Variants in DLGAP2 observed in about 807,000 individuals in gnomAD.
DLGAP2 encodes the protein disks large-associated protein 2.
Under a neutral mutation model 100.3 loss-of-function variants are expected in DLGAP2, and 26 were observed. That is an observed-to-expected ratio of 0.26 (90% CI 0.19 to 0.36). DLGAP2 has a LOEUF of 0.36. DLGAP2 is among the 10% of genes least tolerant of loss of function. DLGAP2 has a pLI of 1.00. For synonymous variants in DLGAP2, 886 were observed against 630.1 expected (o/e 1.41, Z -6.08); for missense variants, 1,858 against 1,453.2 (o/e 1.28, Z -4.53).
At chr8:1,200,164 C>A (rs939744444) in intron 2 of DLGAP2, among the ~76,000 whole-genome samples, 9 of 152,144 alleles carry the variant, frequency 5.9e-5, no homozygotes, top group African/African-American at 1.9e-4. Flanking sequence ...GCTGGGTTTC[C>A]CTGGCCCCCG....
At chr8:947,517 G>A (rs764694985) in intron 2 of DLGAP2, among the ~76,000 whole-genome samples, 13 of 152,352 alleles carry the variant, frequency 8.5e-5, no homozygotes, top group South Asian at 2.1e-4. Context: ...GGCCCGTGGA[G>A]CCTGTGGTGG....
chr8:935,060 C>T (rs904680406), intron 2 of DLGAP2, among the ~76,000 whole-genome samples: 1 of 152,240 alleles, frequency 6.6e-6, no homozygotes. Flanking sequence ...CCCAGCAGAA[C>T]CGTGTACCGC....
At chr8:1,635,383 C>T (rs1486374350) in intron 8 of DLGAP2, among the ~76,000 whole-genome samples, 2 of 152,140 alleles carry the variant, frequency 1.3e-5, no homozygotes, top group African/African-American at 2.4e-5. Context: ...GTGAGTCAGG[C>T]GGATTTCAAA....
chr8:753,318 T>A (rs1820840026), intron 1 of DLGAP2: 1 of 152,280 alleles, frequency 6.6e-6, no homozygotes, highest in South Asian at 2.1e-4. Flanking sequence ...GGCCGTCCCC[T>A]GCTCTTTCTT....
At chr8:870,009 A>G (rs1269045255) in intron 1 of DLGAP2, among the ~76,000 whole-genome samples, 1 of 130,990 alleles carries the variant, frequency 7.6e-6, no homozygotes, top group Non-Finnish European at 1.6e-5. Context: ...CCTAATTTAC[A>G]AAAAAAAAAA....
intron 2 of DLGAP2, among the ~76,000 whole-genome samples, chr8:1,133,843 G>A (rs955038100): frequency 6.6e-6 from 1 of 151,932 alleles, no homozygotes; most frequent in African/African-American, 2.4e-5. Context: ...ATTGGGAATT[G>A]ATTAACCCTT....
rs1010537425 is a variant in DLGAP2, at chr8:1,708,046, G to A, written c.*6640G>A. The A allele has an allele frequency of 1.3e-5, 2 of 152,514 alleles. No individual in the cohort carries two copies. Among genetic ancestry groups the A allele is most frequent in the African/African-American group, 4.8e-5 (2 of 41,426 alleles). The allele number at this position is 152,514 out of a possible 1,614,324, so 9.4% of individuals were successfully genotyped here. On this transcript the variant is annotated 3_prime_UTR_variant, in exon 15 of 15. Coordinates refer to ENST00000637795, the MANE Select transcript of DLGAP2 (RefSeq NM_001346810.2). ...GAATGTTGGTCATTCCTTTAAGGCA[G>A]TTAAGGATTGCTTTATTTGTGTTCT...
intron 2 of DLGAP2, among the ~76,000 whole-genome samples, chr8:1,135,834 A>G (rs984855653): frequency 3.3e-5 from 5 of 152,208 alleles, no homozygotes; most frequent in African/African-American, 9.6e-5. Context: ...ACAAAACAAT[A>G]GATCTCTGCT....
intron 2 of DLGAP2, among the ~76,000 whole-genome samples, chr8:1,224,639 G>C (rs11778666): frequency 0.59 from 89,601 of 152,060 alleles, 27,911 homozygotes; most frequent in East Asian, 0.79. Context: ...AGAGATGACT[G>C]AAATTACTAA....
chr8:1,033,786 C>A (rs868728087), intron 2 of DLGAP2, among the ~76,000 whole-genome samples: 1 of 115,828 alleles, frequency 8.6e-6, no homozygotes, highest in African/African-American at 3.3e-5. Flanking sequence ...TGGGTTCACA[C>A]GCTCATCCCG....
chr8:1,416,210 A>C (rs1340890808), intron 3 of DLGAP2, among the ~76,000 whole-genome samples: 11 of 152,182 alleles, frequency 7.2e-5, no homozygotes, highest in African/African-American at 2.7e-4. Flanking sequence ...CAGCGTCAAT[A>C]CAGAGTGGCG....
At chr8:955,767 T>C (rs1353774592) in intron 2 of DLGAP2, among the ~76,000 whole-genome samples, 1 of 152,248 alleles carries the variant, frequency 6.6e-6, no homozygotes, top group Non-Finnish European at 1.5e-5. Flanking sequence ...ATCTTCCGGC[T>C]TGGGAAGAAT....
intron 8 of DLGAP2, among the ~76,000 whole-genome samples, chr8:1,668,041 G>T (rs746828849): frequency 6.6e-6 from 1 of 151,826 alleles, no homozygotes; most frequent in Admixed American, 6.6e-5. Context: ...TGCTGGATTT[G>T]TCGGTATTTT....
chr8:1,481,730 A>C (rs1233310790), intron 3 of DLGAP2, among the ~76,000 whole-genome samples: 2 of 152,028 alleles, frequency 1.3e-5, no homozygotes, highest in East Asian at 1.9e-4. Flanking sequence ...CACCCGCCTC[A>C]GCCTCCCAAA....
intron 2 of DLGAP2, among the ~76,000 whole-genome samples, chr8:1,213,201 A>G (rs569917609): frequency 6.6e-6 from 1 of 152,298 alleles, no homozygotes; most frequent in South Asian, 2.1e-4. Context: ...TGCGGGTGTC[A>G]TACTCACAGT....
chr8:1,228,062 A>G (rs1037976087), intron 2 of DLGAP2, among the ~76,000 whole-genome samples: 1 of 151,860 alleles, frequency 6.6e-6, no homozygotes, highest in Non-Finnish European at 1.5e-5. Flanking sequence ...GGAACATCAC[A>G]CACTGGGGCC....
At chr8:1,228,854 T>A (rs1372920513) in intron 2 of DLGAP2, among the ~76,000 whole-genome samples, 1 of 152,192 alleles carries the variant, frequency 6.6e-6, no homozygotes, top group African/African-American at 2.4e-5. Flanking sequence ...AAATTTTGCC[T>A]CAGTGACCGG....
At chr8:1,362,397 T>G (rs1052145317) in intron 3 of DLGAP2, among the ~76,000 whole-genome samples, 1 of 151,416 alleles carries the variant, frequency 6.6e-6, no homozygotes, top group Non-Finnish European at 1.5e-5. Flanking sequence ...CCATGTCCCA[T>G]GCGGACAGCA....
chr8:986,451 T>G (rs1442349050), intron 2 of DLGAP2, among the ~76,000 whole-genome samples: 3 of 152,210 alleles, frequency 2.0e-5, no homozygotes, highest in Non-Finnish European at 4.4e-5. Context: ...TCTTACTTTA[T>G]GTGGTTCCTA....
Sources: allele counts gnomAD v4.1 joint callset (sites outside exome capture counted in the v4.1 genomes callset), GRCh38; gene constraint gnomAD v4.1.1; transcripts MANE v1.5; gene names NCBI Gene and HGNC (gene_info 2026-07-23, HGNC 2026-07-21).